PALM2AKAP2: variants seen among roughly 807,000 people sequenced by gnomAD.
PALM2AKAP2 encodes the protein PALM2-AKAP2 fusion protein.
A neutral mutation model predicts 71.5 loss-of-function variants in PALM2AKAP2; 37 were observed. That is an observed-to-expected ratio of 0.52 (90% confidence interval 0.40 to 0.68). PALM2AKAP2 has a LOEUF of 0.68. Ranked by LOEUF, PALM2AKAP2 falls within the 30% of genes least tolerant of loss-of-function variation. The pLI, the probability that PALM2AKAP2 is intolerant of heterozygous loss-of-function variation, is 0.00. For missense variants in PALM2AKAP2, 1,224 were observed against 1,191.8 expected (o/e 1.03, Z -0.40); for synonymous variants, 468 against 478.8 (o/e 0.98, Z 0.29).
intron 2 of PALM2AKAP2, among the ~76,000 whole-genome samples, chr9:109,868,503 G>A (rs1436066647): frequency 6.6e-6 from 1 of 152,158 alleles, no homozygotes; most frequent in Non-Finnish European, 1.5e-5. Context: ...AGGTGGTGCT[G>A]ACTTTCGGGG....
rs552039874 is a variant in PALM2AKAP2 at position 109,845,473 on chromosome 9, A to G, written c.46-22018A>G. ...TAATATTACTGTGGTGCTTCTCAGT[A>G]TAATTGCTAGAGGCCTCCAGTGAGC... is the stretch of plus-strand genomic sequence containing the variant. On this transcript the variant is annotated intron_variant, in intron 1 of 9. Coordinates refer to the PALM2AKAP2 transcript ENST00000302798. Among the ~76,000 whole-genome samples the G allele has an allele frequency of 4.6e-5, 7 of 152,352 alleles. No homozygotes were observed. In the East Asian group the frequency reaches 1.2e-3, roughly 25 times the overall value.
chr9:109,936,732 T>G (rs1831227188), intron 6 of PALM2AKAP2, among the ~76,000 whole-genome samples: 1 of 152,226 alleles, frequency 6.6e-6, no homozygotes, highest in Non-Finnish European at 1.5e-5. Flanking sequence ...TCTGGATAAC[T>G]TTCATTGTAC....
At chr9:110,089,835 C>T (rs192969299) in intron 1 of PALM2AKAP2, among the ~76,000 whole-genome samples, 1 of 152,156 alleles carries the variant, frequency 6.6e-6, no homozygotes, top group Admixed American at 6.5e-5. Context: ...GGAGAGCCAG[C>T]AGCCTTTTAC....
chr9:109,811,821 C>T (rs1197792301), intron 1 of PALM2AKAP2, among the ~76,000 whole-genome samples: 2 of 152,254 alleles, frequency 1.3e-5, no homozygotes, highest in Non-Finnish European at 2.9e-5. Flanking sequence ...CATCCTCCTA[C>T]CTCAGCCTCC....
chr9:109,845,790 A>T (rs541318214), intron 1 of PALM2AKAP2, among the ~76,000 whole-genome samples: 1 of 152,154 alleles, frequency 6.6e-6, no homozygotes, highest in Non-Finnish European at 1.5e-5. Flanking sequence ...AGCTCAAGTG[A>T]TCCTCCCACC....
chr9:109,979,884 CTG>C (rs1832238225), intron 6 of PALM2AKAP2, among the ~76,000 whole-genome samples: 3 of 152,168 alleles, frequency 2.0e-5, no homozygotes, highest in Admixed American at 2.0e-4. Flanking sequence ...TGATTTAGAT[CTG>C]TGTGCTGAAT....
chr9:109,655,153 G>C (rs1827281881), intron 1 of PALM2AKAP2, among the ~76,000 whole-genome samples: 1 of 152,022 alleles, frequency 6.6e-6, no homozygotes, highest in African/African-American at 2.4e-5. Flanking sequence ...AAAATTAGCC[G>C]GGTGTGGTGG....
intron 1 of PALM2AKAP2, among the ~76,000 whole-genome samples, chr9:110,061,058 C>T (rs1833955344): frequency 6.6e-6 from 1 of 152,198 alleles, no homozygotes; most frequent in Non-Finnish European, 1.5e-5. Flanking sequence ...CCCACACCTT[C>T]TAAAGTACCT....
intron 1 of PALM2AKAP2, among the ~76,000 whole-genome samples, chr9:109,774,381 AGC>A (rs1829320085): frequency 1.3e-5 from 2 of 152,208 alleles, no homozygotes; most frequent in African/African-American, 2.4e-5. Flanking sequence ...GTAGGCATGT[AGC>A]TCTCTTCCTA....
intron 1 of PALM2AKAP2, among the ~76,000 whole-genome samples, chr9:110,070,022 A>G (rs1308654936): frequency 1.3e-5 from 2 of 152,162 alleles, no homozygotes; most frequent in Non-Finnish European, 2.9e-5. Context: ...CCAGGAGAGG[A>G]AGAGGGTTGG....
At chr9:110,113,183 T>A (rs1199113524) in intron 1 of PALM2AKAP2, among the ~76,000 whole-genome samples, 1 of 152,240 alleles carries the variant, frequency 6.6e-6, no homozygotes, top group Non-Finnish European at 1.5e-5. Flanking sequence ...TTCTGTTTTA[T>A]CTACAGGTTT....
At chr9:110,070,118 C>G (rs1326035611) in intron 1 of PALM2AKAP2, among the ~76,000 whole-genome samples, 1 of 152,164 alleles carries the variant, frequency 6.6e-6, no homozygotes, top group Admixed American at 6.5e-5. Context: ...GTACTGACAA[C>G]CTAGTACAAA....
intron 1 of PALM2AKAP2, among the ~76,000 whole-genome samples, chr9:110,091,407 T>C (rs1039964674): frequency 1.9e-4 from 28 of 148,502 alleles, no homozygotes; most frequent in Non-Finnish European, 3.9e-4. Flanking sequence ...GGTTGGGGTG[T>C]GTGTGTGTGT....
intron 3 of PALM2AKAP2, among the ~76,000 whole-genome samples, chr9:109,895,083 C>T (rs1376344503): frequency 6.6e-6 from 1 of 152,218 alleles, no homozygotes; most frequent in Non-Finnish European, 1.5e-5. Flanking sequence ...AATGACACAG[C>T]CAGTCAGATT....
chr9:109,758,704 C>T (rs1171066675), intron 1 of PALM2AKAP2, among the ~76,000 whole-genome samples: 1 of 152,000 alleles, frequency 6.6e-6, no homozygotes, highest in Non-Finnish European at 1.5e-5. Flanking sequence ...TGTACATTTG[C>T]TGTTTAATGA....
At chr9:109,691,204 CAT>C (rs1827879643) in intron 1 of PALM2AKAP2, among the ~76,000 whole-genome samples, 2 of 151,150 alleles carry the variant, frequency 1.3e-5, no homozygotes, top group African/African-American at 4.9e-5. Context: ...CACACACACA[CAT>C]GCACACACAG....
At chr9:110,052,472 A>C (rs1833731188) in intron 1 of PALM2AKAP2, among the ~76,000 whole-genome samples, 1 of 152,182 alleles carries the variant, frequency 6.6e-6, no homozygotes, top group Non-Finnish European at 1.5e-5. Flanking sequence ...TTTCCTTTCA[A>C]ACACATTTTT....
chr9:109,688,778 A>C (rs1191230757), intron 1 of PALM2AKAP2, among the ~76,000 whole-genome samples: 1 of 152,242 alleles, frequency 6.6e-6, no homozygotes, highest in African/African-American at 2.4e-5. Flanking sequence ...AAAGGCAAAT[A>C]AATGCTTGCT....
chr9:109,875,703 G>C (rs758144794), intron 2 of PALM2AKAP2, among the ~76,000 whole-genome samples: 3 of 152,182 alleles, frequency 2.0e-5, no homozygotes, highest in Admixed American at 6.5e-5. Flanking sequence ...CCTTATGCGA[G>C]ACTTAGAGAA....
Sources: allele counts gnomAD v4.1 joint callset (sites outside exome capture counted in the v4.1 genomes callset), GRCh38; gene constraint gnomAD v4.1.1; transcripts MANE v1.5; gene names NCBI Gene and HGNC (gene_info 2026-07-23, HGNC 2026-07-21).